Variants in ASIC2 observed in about 807,000 individuals in gnomAD.
The protein encoded by ASIC2 is acid-sensing ion channel 2.
In ASIC2, 25 loss-of-function variants were observed where a neutral mutation model predicts 57.3. The ratio of observed to expected loss-of-function variants is 0.44; its 90% confidence interval spans 0.32 to 0.61. ASIC2 has a LOEUF of 0.61. ASIC2 is among the 20% of genes least tolerant of loss of function. The pLI is 0.06. For synonymous variants in ASIC2, 319 were observed against 307.5 expected (o/e 1.04, Z -0.39); for missense variants, 641 against 738.1 (o/e 0.87, Z 1.52).
At chr17:33,316,138 G>A (rs918974830) in intron 1 of ASIC2, among the ~76,000 whole-genome samples, 48 of 152,164 alleles carry the variant, frequency 3.2e-4, no homozygotes, top group African/African-American at 1.1e-3. Context: ...TTTCCTGGGA[G>A]TGTCTAAACT....
chr17:34,065,795 G>A (rs1334477442), intron 1 of ASIC2, among the ~76,000 whole-genome samples: 2 of 152,162 alleles, frequency 1.3e-5, no homozygotes, highest in Admixed American at 6.5e-5. Flanking sequence ...GACAAGAGAA[G>A]AGTAATCAAA....
At chr17:33,472,400 C>A (rs912222235) in intron 1 of ASIC2, among the ~76,000 whole-genome samples, 4 of 152,114 alleles carry the variant, frequency 2.6e-5, no homozygotes, top group Admixed American at 6.5e-5. Context: ...CCATTTTAAT[C>A]TTTAAAACAA....
chr17:33,938,326 A>G (rs895615586), intron 1 of ASIC2, among the ~76,000 whole-genome samples: 15 of 151,868 alleles, frequency 9.9e-5, no homozygotes, highest in African/African-American at 3.6e-4. Context: ...TACCACACCC[A>G]ATGTCCCTGA....
At chr17:33,389,083 C>A (rs1230841158) in intron 1 of ASIC2, among the ~76,000 whole-genome samples, 2 of 152,194 alleles carry the variant, frequency 1.3e-5, no homozygotes, top group Admixed American at 6.5e-5. Context: ...CCTCAGCCAC[C>A]CAAATAGCTG....
At chr17:34,048,438 G>A (rs1370368503) in intron 1 of ASIC2, among the ~76,000 whole-genome samples, 2 of 152,170 alleles carry the variant, frequency 1.3e-5, no homozygotes, top group Non-Finnish European at 2.9e-5. Context: ...GCAATGGAAT[G>A]AATCCTAGAT....
At chr17:33,879,905 C>G (rs1344535372) in intron 1 of ASIC2, among the ~76,000 whole-genome samples, 1 of 152,228 alleles carries the variant, frequency 6.6e-6, no homozygotes, top group Non-Finnish European at 1.5e-5. Flanking sequence ...AACAAACTGT[C>G]TCTCAGACCA....
intron 1 of ASIC2, among the ~76,000 whole-genome samples, chr17:33,278,588 C>T (rs1904807004): frequency 6.6e-6 from 1 of 152,036 alleles, no homozygotes; most frequent in Admixed American, 6.6e-5. Context: ...TCCCATCGTT[C>T]TGATCTTTGG....
At chr17:33,288,878 C>T (rs891246219) in intron 1 of ASIC2, among the ~76,000 whole-genome samples, 5 of 152,184 alleles carry the variant, frequency 3.3e-5, no homozygotes, top group Admixed American at 3.3e-4. Flanking sequence ...AGAATTTGAG[C>T]CCAGTCAGTG....
At chr17:34,030,857 G>C (rs1597982672) in intron 1 of ASIC2, among the ~76,000 whole-genome samples, 1 of 152,246 alleles carries the variant, frequency 6.6e-6, no homozygotes, top group Admixed American at 6.5e-5. Flanking sequence ...TAAACAAAGA[G>C]GCCAGGAAGC....
chr17:34,038,305 T>G (rs1222929412), intron 1 of ASIC2: 1 of 1,610,244 alleles, frequency 6.2e-7, no homozygotes, highest in Non-Finnish European at 8.5e-7. Flanking sequence ...CCTCACAGTA[T>G]TCTAATACTG....
At chr17:33,654,394 C>G (rs1907016571) in intron 1 of ASIC2, among the ~76,000 whole-genome samples, 2 of 152,166 alleles carry the variant, frequency 1.3e-5, no homozygotes, top group African/African-American at 4.8e-5. Context: ...AAGGATTGAC[C>G]AGGAGGCCTT....
intron 1 of ASIC2, among the ~76,000 whole-genome samples, chr17:33,857,228 C>G (rs1279699882): frequency 6.6e-6 from 1 of 152,162 alleles, no homozygotes; most frequent in Non-Finnish European, 1.5e-5. Context: ...CATGACGTAT[C>G]TTGACTAGAA....
intron 1 of ASIC2, among the ~76,000 whole-genome samples, chr17:33,863,261 G>C (rs1286231060): frequency 1.3e-5 from 2 of 152,250 alleles, no homozygotes; most frequent in Non-Finnish European, 1.5e-5. Context: ...GACTTTATCA[G>C]GTGGCTCCTA....
chr17:33,444,174 GT>G (rs1911929385), intron 1 of ASIC2, among the ~76,000 whole-genome samples: 1 of 152,164 alleles, frequency 6.6e-6, no homozygotes, highest in African/African-American at 2.4e-5. Flanking sequence ...CAGTTTTATA[GT>G]TGTTTCAGAG....
intron 1 of ASIC2, among the ~76,000 whole-genome samples, chr17:34,151,219 G>A (rs1019263154): frequency 3.9e-5 from 6 of 152,118 alleles, no homozygotes; most frequent in African/African-American, 1.4e-4. Context: ...CCATGCCTGG[G>A]TCATGGTATT....
At chr17:33,443,958 G>A (rs899140217) in intron 1 of ASIC2, among the ~76,000 whole-genome samples, 2 of 152,064 alleles carry the variant, frequency 1.3e-5, no homozygotes, top group Non-Finnish European at 1.5e-5. Flanking sequence ...CAGCACTTGC[G>A]CTCAAACAAG....
chr17:33,625,447 C>A (rs1345166633), intron 1 of ASIC2, among the ~76,000 whole-genome samples: 1 of 152,184 alleles, frequency 6.6e-6, no homozygotes, highest in Non-Finnish European at 1.5e-5. Context: ...GCAGCCCTAA[C>A]CAACAGCCTA....
chr17:33,898,597 G>T (rs1915161693), intron 1 of ASIC2, among the ~76,000 whole-genome samples: 2 of 152,118 alleles, frequency 1.3e-5, no homozygotes, highest in African/African-American at 4.8e-5. Context: ...ATTAACAGTG[G>T]TATAACATTA....
chr17:33,170,925 A>G (rs1905494067), intron 1 of ASIC2, among the ~76,000 whole-genome samples: 1 of 152,198 alleles, frequency 6.6e-6, no homozygotes, highest in Non-Finnish European at 1.5e-5. Context: ...AACCCAACAT[A>G]TGGCACCCCT....
Sources: allele counts gnomAD v4.1 joint callset (sites outside exome capture counted in the v4.1 genomes callset), GRCh38; gene constraint gnomAD v4.1.1; transcripts MANE v1.5; gene names NCBI Gene and HGNC (gene_info 2026-07-23, HGNC 2026-07-21).